The following RIMS3 variants were observed in gnomAD, a reference collection of about 807,000 sequenced individuals.
RIMS3 encodes the protein regulating synaptic membrane exocytosis 3, also known as regulating synaptic membrane exocytosis protein 3.
RIMS3 carries 15 observed loss-of-function variants against 29.2 expected under a neutral mutation model. That is an observed-to-expected ratio of 0.51 (90% CI 0.34 to 0.79). The LOEUF is 0.79. RIMS3 is among the 30% of genes least tolerant of loss of function. The pLI, the probability that RIMS3 is intolerant of heterozygous loss-of-function variation, is 0.01. For missense variants in RIMS3, 342 were observed against 421.4 expected (o/e 0.81, Z 1.65); for synonymous variants, 161 against 170.1 (o/e 0.95, Z 0.41).
At chr1:40,660,166 G>C (rs1642330965) in intron 1 of RIMS3, among the ~76,000 whole-genome samples, 1 of 152,042 alleles carries the variant, frequency 6.6e-6, no homozygotes, top group Non-Finnish European at 1.5e-5. Flanking sequence ...TAGGGGTGTG[G>C]GACGGGAAGA....
the RIMS3 span, among the ~76,000 whole-genome samples, chr1:40,683,953 C>T: frequency 6.6e-6 from 1 of 152,180 alleles, no homozygotes; most frequent in Non-Finnish European, 1.5e-5. Context: ...TCCAGCATAC[C>T]TTCATTCATA....
upstream of RIMS3, among the ~76,000 whole-genome samples, chr1:40,666,886 G>A (rs1642434427): frequency 1.3e-5 from 2 of 152,100 alleles, no homozygotes; most frequent in South Asian, 2.1e-4. Flanking sequence ...TTAGCCAGGT[G>A]TGGTGGCACA....
At chr1:40,689,857 A>AC in the RIMS3 span, among the ~76,000 whole-genome samples, 3 of 152,178 alleles carry the variant, frequency 2.0e-5, no homozygotes, top group African/African-American at 7.2e-5. Context: ...AAACCTCCTG[A>AC]CCACTCCCTT....
rs373608784 is a variant in RIMS3, at chr1:40,641,917, G to A, written c.9C>T (p.Asn3=). ...CAGATGAGGCAGGACCTGGCTCCCCGTTAAACATGGTCCCCGGGGTGGCAG... is the reference window on the plus strand; with the variant it reads ...CAGATGAGGCAGGACCTGGCTCCCCATTAAACATGGTCCCCGGGGTGGCAG... MF[N]GEPGPASSGA... is the part of the protein sequence containing the mutation. Residue 3 remains asparagine, a synonymous_variant, in exon 3 of 8, where the codon AAC becomes AAT. Transcript: ENST00000372684. 4.7e-5 allele frequency: 76 copies of A among 1,613,234 alleles called. No individual in the cohort carries two copies. Among genetic ancestry groups the A allele is most frequent in the Middle Eastern group, 1.7e-4 (1 of 5,902 alleles).
At chr1:40,668,114 G>A (rs1339048380), upstream of RIMS3, among the ~76,000 whole-genome samples, 1 of 152,054 alleles carries the variant, frequency 6.6e-6, no homozygotes, top group Non-Finnish European at 1.5e-5. Context: ...AGCTGGGTGT[G>A]GTGGCATGCA....
At chr1:40,686,523 C>T in the RIMS3 span, among the ~76,000 whole-genome samples, 5 of 151,938 alleles carry the variant, frequency 3.3e-5, no homozygotes, top group African/African-American at 1.2e-4. Context: ...CGAGCATGGT[C>T]GCTGGTGCCT....
Position 40,651,301 on chromosome 1 carries a change from C to T in RIMS3, c.-206-3459G>A, listed in dbSNP as rs374661214. 1.3e-3 allele frequency among the ~76,000 whole-genome samples: 203 copies of T among 152,268 alleles called. 2 individuals carry two copies. The highest frequency in any genetic ancestry group is 4.6e-3 in the African/African-American group (193 of 41,530). ...CACGTGAAGACAGACACGGGGAGAG[C>T]GCCATGTGCCGACGGAGGCAGAAAT... On this transcript the variant is annotated intron_variant, in intron 1 of 7. Coordinates refer to ENST00000372684, the MANE Select transcript of RIMS3 (RefSeq NM_014747.3).
chr1:40,677,206 T>C, the RIMS3 span, among the ~76,000 whole-genome samples: 2 of 151,570 alleles, frequency 1.3e-5, no homozygotes, highest in African/African-American at 2.4e-5. Context: ...GGTTTCACCA[T>C]GTTGGCCAGG....
At chr1:40,652,191 A>C (rs1646636414) in intron 1 of RIMS3, among the ~76,000 whole-genome samples, 1 of 152,180 alleles carries the variant, frequency 6.6e-6, no homozygotes. Flanking sequence ...GCACTGGAGA[A>C]TACCACTACT....
chr1:40,622,414 G>GA lies in RIMS3; in HGVS notation c.*4102dup, dbSNP rs1291876924. 2 of 152,286 alleles carry GA rather than the reference G, an allele frequency of 1.3e-5. No homozygotes were observed. The highest frequency in any genetic ancestry group is 2.9e-5 in the Non-Finnish European group (2 of 68,068). The allele number at this position is 152,286 out of a possible 1,614,324, so 9.4% of individuals were successfully genotyped here. On this transcript the variant is annotated 3_prime_UTR_variant, in exon 8 of 8. Coordinates refer to ENST00000372684, the MANE Select transcript of RIMS3 (RefSeq NM_014747.3). ...AAAAGGTTGAGGGAGAAGGCGGGGG[G>GA]ATGTGTCCACATTTTCATCTCCTCC...
intron 5 of RIMS3, among the ~76,000 whole-genome samples, chr1:40,632,049 T>C (rs1018642710): frequency 3.9e-5 from 6 of 152,162 alleles, no homozygotes; most frequent in African/African-American, 1.2e-4. Context: ...TCCCATATGC[T>C]TTATTTTATT....
intron 3 of RIMS3, among the ~76,000 whole-genome samples, chr1:40,639,595 A>G (rs1424428846): frequency 1.3e-5 from 2 of 152,186 alleles, no homozygotes; most frequent in African/African-American, 4.8e-5. Context: ...ATAACTCTGC[A>G]AGGCATGTAT....
chr1:40,686,796 T>C, the RIMS3 span, among the ~76,000 whole-genome samples: 1 of 152,252 alleles, frequency 6.6e-6, no homozygotes, highest in Non-Finnish European at 1.5e-5. Flanking sequence ...TCATTGCTGA[T>C]GATGTGTTCA....
the RIMS3 span, among the ~76,000 whole-genome samples, chr1:40,684,376 T>G: frequency 2.6e-5 from 4 of 152,206 alleles, no homozygotes; most frequent in Non-Finnish European, 5.9e-5. Flanking sequence ...CAGTTCCTCA[T>G]AGCTCAAGAT....
At chr1:40,687,594 C>T in the RIMS3 span, 1 of 122,580 alleles carries the variant, frequency 8.2e-6, no homozygotes, top group African/African-American at 3.3e-5. Flanking sequence ...AAGAGCAAAA[C>T]TCCATCTCCT....
chr1:40,648,491 C>A (rs1230782787), intron 1 of RIMS3, among the ~76,000 whole-genome samples: 1 of 152,236 alleles, frequency 6.6e-6, no homozygotes, highest in African/African-American at 2.4e-5. Flanking sequence ...CTTAACAAAT[C>A]CCCTGAGCCT....
At chr1:40,670,645 G>GT (rs1642482969), upstream of RIMS3, among the ~76,000 whole-genome samples, 2 of 131,922 alleles carry the variant, frequency 1.5e-5, no homozygotes, top group South Asian at 4.9e-4. Context: ...CCAGGAGGCA[G>GT]TGGCGTGATC....
intron 1 of RIMS3, among the ~76,000 whole-genome samples, chr1:40,663,836 CAG>C (rs1001439216): frequency 2.6e-5 from 4 of 152,190 alleles, no homozygotes; most frequent in African/African-American, 7.2e-5. Context: ...GTACTTGGCA[CAG>C]GGGTTGCTCA....
the RIMS3 span, among the ~76,000 whole-genome samples, chr1:40,676,473 ACTC>A: frequency 1.3e-5 from 2 of 151,486 alleles, no homozygotes; most frequent in East Asian, 3.9e-4. Context: ...ATACAATTCG[ACTC>A]CTCCTTCGAT....
Sources: allele counts gnomAD v4.1 joint callset (sites outside exome capture counted in the v4.1 genomes callset), GRCh38; gene constraint gnomAD v4.1.1; transcripts MANE v1.5; gene names NCBI Gene and HGNC (gene_info 2026-07-23, HGNC 2026-07-21).